COL6A5: variants seen among roughly 807,000 people sequenced by gnomAD.
The protein encoded by COL6A5 is collagen type VI alpha 5 chain.
A neutral mutation model predicts 65.6 loss-of-function variants in COL6A5; 48 were observed. The ratio of observed to expected loss-of-function variants is 0.73; its 90% CI spans 0.58 to 0.93. COL6A5 has a LOEUF of 0.93. Among genes scored for constraint, COL6A5 ranks in the 40% least tolerant of loss-of-function variants. The probability of loss-of-function intolerance (pLI) is 0.00; values close to 1 mark genes in which losing one functional copy is unlikely to be tolerated. For synonymous variants in COL6A5, 291 were observed against 322.8 expected, an observed-to-expected ratio of 0.90 and a Z score of 1.05; for missense variants, 914 against 928.3, an observed-to-expected ratio of 0.98 and a Z score of 0.20.
At chr3:130,391,130 T>C in intron 6 of COL6A5, 49 bp from the exon 7 acceptor site, 2 of 1,339,332 alleles carry the variant, frequency 1.5e-6, no homozygotes, top group East Asian at 2.5e-5. Flanking sequence ...GCACCCTGCG[T>C]AGAATGCACT....
At chr3:130,416,789 C>T (rs780308580) in exon 24 of COL6A5, 1 of 1,532,072 alleles carries the variant, frequency 6.5e-7, no homozygotes, top group East Asian at 2.5e-5. Context: ...CTAAAGGGAG[C>T]ACTGGAAGAC....
chr3:130,457,427 A>T (rs1709597179), intron 5 of COL6A5, among the ~76,000 whole-genome samples: 1 of 152,116 alleles, frequency 6.6e-6, no homozygotes, highest in South Asian at 2.1e-4. Context: ...TGTTCAGTAT[A>T]AAAGAAAGAC....
intron 5 of COL6A5, among the ~76,000 whole-genome samples, chr3:130,387,934 A>G (rs9878012): frequency 0.26 from 39,135 of 151,454 alleles, 6,396 homozygotes; most frequent in East Asian, 0.53. Context: ...GTGTATATAT[A>G]TGTATATATA....
chr3:130,381,796 T>C (rs181363097), intron 4 of COL6A5, among the ~76,000 whole-genome samples: 1 of 152,244 alleles, frequency 6.6e-6, no homozygotes, highest in African/African-American at 2.4e-5. Context: ...CCAGCTTCAA[T>C]CTAATACTGT....
exon 6 of COL6A5, chr3:130,388,634 T>A (rs1453822684): frequency 6.4e-7 from 1 of 1,551,012 alleles, no homozygotes. Flanking sequence ...TCTTGGAGTA[T>A]AGGAAATGAA....
At chr3:130,377,312 T>A (rs1210534708) in intron 3 of COL6A5, among the ~76,000 whole-genome samples, 1 of 152,200 alleles carries the variant, frequency 6.6e-6, no homozygotes, top group Non-Finnish European at 1.5e-5. Flanking sequence ...TGAGCTGGTG[T>A]TCTATTTCTC....
chr3:130,461,619 G>A (rs1236247098), intron 5 of COL6A5, among the ~76,000 whole-genome samples: 2 of 152,064 alleles, frequency 1.3e-5, no homozygotes, highest in Admixed American at 6.6e-5. Flanking sequence ...CCTGGTGATG[G>A]TCATTTCTGC....
At chr3:130,391,581 A>G in exon 7 of COL6A5, 1 of 1,551,700 alleles carries the variant, frequency 6.4e-7, no homozygotes. Context: ...ACAGCATTGG[A>G]ACTGAGAAAC....
intron 7 of COL6A5, among the ~76,000 whole-genome samples, chr3:130,480,434 T>G (rs1710208337): frequency 6.6e-6 from 1 of 152,076 alleles, no homozygotes; most frequent in Admixed American, 6.6e-5. Context: ...ATAAACTTAT[T>G]AGAGTTAGAA....
At chr3:130,434,103 G>T (rs577040857) in intron 1 of COL6A5, among the ~76,000 whole-genome samples, 1 of 151,962 alleles carries the variant, frequency 6.6e-6, no homozygotes, top group Non-Finnish European at 1.5e-5. Flanking sequence ...CCCACCCCTC[G>T]ACAGGCCCTG....
At chr3:130,379,730 C>T in exon 4 of COL6A5, 2 of 1,551,452 alleles carry the variant, frequency 1.3e-6, no homozygotes, top group Non-Finnish European at 1.7e-6. Context: ...GACGGCTTCT[C>T]AGAGTCATAT....
chr3:130,479,352 A>G (rs1710178791), intron 7 of COL6A5, among the ~76,000 whole-genome samples: 1 of 152,100 alleles, frequency 6.6e-6, no homozygotes. Flanking sequence ...TAAGCCACCC[A>G]GTTTATGGTA....
rs1935911638 is a variant in COL6A5, at chr3:130,379,505, G to A, written c.755G>A (p.Arg252Lys). Residue 252 changes from arginine to lysine, a missense_variant and NMD_transcript_variant, in exon 4 of 42, where the codon AGG becomes AAG. By Grantham distance (26) the Arg-to-Lys change is conservative. Transcript: ENST00000312481. ...TCACTTGGGACCGGAGGAAATTTAA[G>A]GCATCTTCAGACCTTCCTTGAGAAC... The A allele has an allele frequency of 3.2e-6, 5 of 1,551,216 alleles. No individual in the cohort carries two copies. The South Asian group carries it at 3.6e-5, about 11-fold the overall frequency.
chr3:130,443,924 A>G (rs1179316952), intron 4 of COL6A5, among the ~76,000 whole-genome samples: 1 of 152,044 alleles, frequency 6.6e-6, no homozygotes, highest in Non-Finnish European at 1.5e-5. Flanking sequence ...CCTTGTGTGA[A>G]TTATTCCATT....
rs1294352578 is a variant in COL6A5 at position 130,478,861 on chromosome 3, A to G, written c.2329-5174A>G. On this transcript the variant is annotated intron_variant, in intron 7 of 7. Transcript: ENST00000512836. ...AATGGGGTATTTGAACTCATGTTAG[A>G]ATGTTTTGAATTCAGGTGCATCATG... Among the ~76,000 whole-genome samples the G allele has an allele frequency of 2.6e-5, 4 of 152,066 alleles. No homozygotes were observed. In the East Asian group the frequency reaches 7.7e-4, roughly 29 times the overall value.
chr3:130,398,524 G>T (rs1048985832), intron 10 of COL6A5, among the ~76,000 whole-genome samples: 1 of 152,134 alleles, frequency 6.6e-6, no homozygotes, highest in Non-Finnish European at 1.5e-5. Context: ...CTAGCTACTT[G>T]TAGCAGAGGC....
intron 2 of COL6A5, 62 bp from the exon 3 acceptor site, chr3:130,376,175 G>A (rs1935759971): frequency 2.0e-6 from 3 of 1,474,702 alleles, no homozygotes; most frequent in Non-Finnish European, 1.8e-6. Flanking sequence ...AATAAGTATT[G>A]TGGTCTAAAA....
At chr3:130,415,217 TC>T in intron 22 of COL6A5, among the ~76,000 whole-genome samples, 1 of 152,232 alleles carries the variant, frequency 6.6e-6, no homozygotes, top group African/African-American at 2.4e-5. Flanking sequence ...AGACTTTGAT[TC>T]TTCTGATAGA....
chr3:130,474,617 A>C (rs1334684945), intron 7 of COL6A5, among the ~76,000 whole-genome samples: 1 of 152,144 alleles, frequency 6.6e-6, no homozygotes, highest in Non-Finnish European at 1.5e-5. Context: ...CACAAAAAAG[A>C]ACCCAAAGGA....
Sources: allele counts gnomAD v4.1 joint callset (sites outside exome capture counted in the v4.1 genomes callset), GRCh38; gene constraint gnomAD v4.1.1; transcripts MANE v1.5; gene names NCBI Gene and HGNC (gene_info 2026-07-23, HGNC 2026-07-21).